INTS6: variants seen among roughly 807,000 people sequenced by gnomAD.
INTS6 encodes the protein integrator complex subunit 6, also known as DEAD box protein.
A neutral mutation model predicts 104.9 loss-of-function variants in INTS6; 16 were observed. The observed-to-expected ratio is 0.15, with a 90% CI of 0.10 to 0.23. The LOEUF (loss-of-function observed/expected upper bound fraction) is 0.23. Among genes scored for constraint, INTS6 ranks in the 10% least tolerant of loss-of-function variants. INTS6 has a pLI of 1.00. For synonymous variants in INTS6, 324 were observed against 358.7 expected, an observed-to-expected ratio of 0.90 and a Z score of 1.09; for missense variants, 584 against 1,062.8, an observed-to-expected ratio of 0.55 and a Z score of 6.26.
At chr13:51,353,669 G>A (rs375921374), downstream of INTS6, among the ~76,000 whole-genome samples, 35 of 152,288 alleles carry the variant, frequency 2.3e-4, no homozygotes, top group African/African-American at 8.2e-4. Flanking sequence ...CATACTTGGA[G>A]AAAGTATATT....
chr13:51,436,902 T>C (rs1175942740), intron 3 of INTS6: 1 of 152,164 alleles, frequency 6.6e-6, no homozygotes, highest in African/African-American at 2.4e-5. Flanking sequence ...AATTAAGCTA[T>C]CAGAAATATA....
chr13:51,440,733 A>C (rs1952781419), intron 3 of INTS6: 1 of 152,254 alleles, frequency 6.6e-6, no homozygotes, highest in South Asian at 2.1e-4. Context: ...GTAGATGTAT[A>C]GCCTAGGAGC....
intron 4 of INTS6, among the ~76,000 whole-genome samples, chr13:51,403,305 T>G (rs1204289697): frequency 6.6e-6 from 1 of 152,094 alleles, no homozygotes; most frequent in Non-Finnish European, 1.5e-5. Flanking sequence ...TCCCCTTAGC[T>G]GGGTGTGGTG....
intron 3 of INTS6, chr13:51,445,049 A>G (rs531936375): frequency 1.3e-5 from 2 of 152,294 alleles, no homozygotes; most frequent in Admixed American, 6.5e-5. Flanking sequence ...TTTACCCAAC[A>G]TATGTGCTCC....
At chr13:51,368,070 T>C (rs1955728703) in intron 16 of INTS6, among the ~76,000 whole-genome samples, 172 bp from the exon 17 acceptor site, 1 of 152,108 alleles carries the variant, frequency 6.6e-6, no homozygotes, top group South Asian at 2.1e-4. Flanking sequence ...TAAAAGTAAG[T>C]ACACAGCAAC....
chr13:51,395,882 C>T (rs1245675225), intron 4 of INTS6, among the ~76,000 whole-genome samples: 4 of 152,212 alleles, frequency 2.6e-5, no homozygotes, highest in African/African-American at 4.8e-5. Context: ...ATTGCAACCT[C>T]TGCCTCCTGG....
At chr13:51,383,866 A>C in intron 7 of INTS6, 125 bp from the exon 8 acceptor site, 2 of 637,516 alleles carry the variant, frequency 3.1e-6, no homozygotes, top group Non-Finnish European at 5.1e-6. Flanking sequence ...TACTGCTAAA[A>C]GCAACATTAA....
chr13:51,349,649 G>A (rs186865413), downstream of INTS6, among the ~76,000 whole-genome samples: 274 of 152,240 alleles, frequency 1.8e-3, 1 homozygote, highest in Non-Finnish European at 3.1e-3. Context: ...AAGAGACCCC[G>A]GGGAAATTCC....
chr13:51,361,817 G>A lies in INTS6; in HGVS notation c.*3935C>T, dbSNP rs1279325482. 2 of 1,604,478 alleles carry A rather than the reference G, an allele frequency of 1.2e-6. No individual in the cohort carries two copies. The stretch of plus-strand genomic sequence containing the variant: ...TTTCTTTCTTTCCTGCAGCTCTGTT[G>A]TTATTGAAAAGGTCTCGGATTCCTA... On this transcript the variant is annotated 3_prime_UTR_variant, in exon 18 of 18. Coordinates refer to ENST00000311234, the MANE Select transcript of INTS6 (RefSeq NM_012141.3).
At chr13:51,385,877 A>C (rs1264927424) in intron 7 of INTS6, among the ~76,000 whole-genome samples, 1 of 151,922 alleles carries the variant, frequency 6.6e-6, no homozygotes, top group African/African-American at 2.4e-5. Context: ...CTTTCAACTC[A>C]TCTCCCCTTC....
chr13:51,392,095 T>C (rs747073957), intron 5 of INTS6, among the ~76,000 whole-genome samples: 12 of 152,190 alleles, frequency 7.9e-5, no homozygotes, highest in African/African-American at 1.2e-4. Context: ...AAAGCTAGCA[T>C]AGAACAAAGT....
At chr13:51,414,262 A>G (rs1956742894) in intron 4 of INTS6, among the ~76,000 whole-genome samples, 1 of 152,174 alleles carries the variant, frequency 6.6e-6, no homozygotes, top group Non-Finnish European at 1.5e-5. Context: ...CACTTCCCTG[A>G]CTACTACCAG....
intron 3 of INTS6, chr13:51,440,308 G>A (rs1035295516): frequency 2.6e-5 from 4 of 151,328 alleles, no homozygotes; most frequent in African/African-American, 9.7e-5. Context: ...AAAGCTTACA[G>A]AATAAGGATA....
At chr13:51,357,118 T>TG (rs1955492611), downstream of INTS6, among the ~76,000 whole-genome samples, 1 of 152,182 alleles carries the variant, frequency 6.6e-6, no homozygotes, top group Admixed American at 6.6e-5. Flanking sequence ...AGACACCATA[T>TG]GGCTTGCAGT....
intron 4 of INTS6, among the ~76,000 whole-genome samples, chr13:51,401,025 G>C (rs1956428276): frequency 6.6e-6 from 1 of 152,090 alleles, no homozygotes; most frequent in South Asian, 2.1e-4. Flanking sequence ...TATTCAAGTA[G>C]TTATCTGTAC....
rs1471647634 is a variant in INTS6, at chr13:51,365,630, G to T, written c.*122C>A. ...TGATGGAAAAAGGATCTGTAGATTT[G>T]CTTTTAGTATTTCAAATAGCCAACA... On this transcript the variant is annotated 3_prime_UTR_variant, in exon 18 of 18. Transcript: ENST00000311234. The T allele has an allele frequency of 2.0e-6, 1 of 490,708 alleles. No homozygotes were observed. Among genetic ancestry groups the T allele is most frequent in the Non-Finnish European group, 3.6e-6 (1 of 275,184 alleles). 30.4% of individuals were successfully genotyped at this position (490,708 alleles called of 1,614,324 possible).
intron 4 of INTS6, among the ~76,000 whole-genome samples, chr13:51,427,933 T>C (rs575539873): frequency 1.3e-5 from 2 of 152,328 alleles, no homozygotes; most frequent in South Asian, 4.1e-4. Flanking sequence ...TCCAAAATCC[T>C]TCCCAAGGAA....
chr13:51,368,117 TA>T (rs953712491), intron 16 of INTS6, among the ~76,000 whole-genome samples: 4 of 152,066 alleles, frequency 2.6e-5, no homozygotes, highest in African/African-American at 2.4e-5. Flanking sequence ...GCTTTGTAAG[TA>T]AAAGTTCCTA....
intron 9 of INTS6, among the ~76,000 whole-genome samples, chr13:51,382,860 T>C (rs1053666962): frequency 2.0e-5 from 3 of 152,214 alleles, no homozygotes; most frequent in African/African-American, 7.2e-5. Context: ...GCGGATCACC[T>C]GAGATCAGGA....
Sources: allele counts gnomAD v4.1 joint callset (sites outside exome capture counted in the v4.1 genomes callset), GRCh38; gene constraint gnomAD v4.1.1; transcripts MANE v1.5; gene names NCBI Gene and HGNC (gene_info 2026-07-23, HGNC 2026-07-21).